Variants in ADAMTS19 observed in about 807,000 individuals in gnomAD.
ADAMTS19 encodes the protein ADAM metallopeptidase with thrombospondin type 1 motif 19.
A neutral mutation model predicts 153.3 loss-of-function variants in ADAMTS19; 93 were observed. That is an observed-to-expected ratio of 0.61 (90% confidence interval 0.51 to 0.72). The LOEUF is 0.72. Ranked by LOEUF, ADAMTS19 falls within the 30% of genes least tolerant of loss-of-function variation. The pLI is 0.00. For missense variants in ADAMTS19, 1,482 were observed against 1,552.1 expected, an observed-to-expected ratio of 0.95 and a Z score of 0.76; for synonymous variants, 600 against 556.6, an observed-to-expected ratio of 1.08 and a Z score of -1.10.
chr5:129,548,051 A>G (rs1168999959), intron 6 of ADAMTS19, among the ~76,000 whole-genome samples: 2 of 148,676 alleles, frequency 1.3e-5, no homozygotes, highest in Non-Finnish European at 3.0e-5. Flanking sequence ...CTTAAACGTT[A>G]GAACTAAAAC....
At chr5:129,519,248 G>A (rs1430372217) in intron 3 of ADAMTS19, among the ~76,000 whole-genome samples, 1 of 152,066 alleles carries the variant, frequency 6.6e-6, no homozygotes, top group Non-Finnish European at 1.5e-5. Context: ...TTCTGGCCCA[G>A]GGGATGTCTG....
chr5:129,609,633 A>G (rs1283597175), intron 8 of ADAMTS19, among the ~76,000 whole-genome samples: 1 of 152,178 alleles, frequency 6.6e-6, no homozygotes, highest in Non-Finnish European at 1.5e-5. Context: ...ACGTAGAATA[A>G]TAAGCAATTT....
intron 7 of ADAMTS19, among the ~76,000 whole-genome samples, chr5:129,587,658 T>G (rs981515472): frequency 6.6e-6 from 1 of 152,194 alleles, no homozygotes; most frequent in Non-Finnish European, 1.5e-5. Context: ...TACCATTCCA[T>G]GCCAATTTTA....
In ADAMTS19 at chr5:129,537,628, G is replaced by A. The variant is rs1581056202; in HGVS notation, c.1328+8951G>A. On this transcript the variant is annotated intron_variant, in intron 6 of 22. Coordinates refer to ENST00000274487, the MANE Select transcript of ADAMTS19 (RefSeq NM_133638.6). ...ATGTTGAGTTCATGTCCTTTGTAGG[G>A]ACATGGATGAAGCTGGAAACCATCA... 2.6e-5 allele frequency among the ~76,000 whole-genome samples: 4 copies of A among 152,222 alleles called. No homozygotes were observed. The South Asian group carries it at 8.3e-4, about 32-fold the overall frequency.
At chr5:129,664,098 GA>G (rs33935968) in intron 15 of ADAMTS19, among the ~76,000 whole-genome samples, 24,795 of 149,496 alleles carry the variant, frequency 0.17, 2,266 homozygotes, top group East Asian at 0.3. Flanking sequence ...TTTTAACAAG[GA>G]AAAAAAAAAT....
intron 3 of ADAMTS19, among the ~76,000 whole-genome samples, chr5:129,525,176 AT>A (rs1751964896): frequency 6.6e-6 from 1 of 152,136 alleles, no homozygotes; most frequent in African/African-American, 2.4e-5. Flanking sequence ...GTTTTAGATC[AT>A]TGATTAATAG....
At chr5:129,639,765 A>T (rs1036213577) in intron 10 of ADAMTS19, among the ~76,000 whole-genome samples, 3 of 152,200 alleles carry the variant, frequency 2.0e-5, no homozygotes, top group African/African-American at 7.2e-5. Flanking sequence ...GTAAAGAAAA[A>T]TTCTTCTTTG....
At chr5:129,597,922 G>GA (rs1347020047) in intron 8 of ADAMTS19, among the ~76,000 whole-genome samples, 1 of 149,744 alleles carries the variant, frequency 6.7e-6, no homozygotes, top group African/African-American at 2.5e-5. Context: ...AAGAAAAAAA[G>GA]AAAAAAAAGA....
intron 8 of ADAMTS19, among the ~76,000 whole-genome samples, chr5:129,601,893 A>C (rs1171065381): frequency 6.6e-6 from 1 of 152,156 alleles, no homozygotes; most frequent in Non-Finnish European, 1.5e-5. Context: ...CCCAACCATA[A>C]ATCACATTGT....
At chr5:129,471,377 A>G (rs1229037907) in intron 2 of ADAMTS19, among the ~76,000 whole-genome samples, 1 of 151,224 alleles carries the variant, frequency 6.6e-6, no homozygotes, top group Non-Finnish European at 1.5e-5. Context: ...AAAGAATGAA[A>G]GAAAGACAGA....
intron 7 of ADAMTS19, among the ~76,000 whole-genome samples, chr5:129,579,248 A>G (rs1230202601): frequency 6.6e-6 from 1 of 152,100 alleles, no homozygotes; most frequent in African/African-American, 2.4e-5. Flanking sequence ...TTCTTTTGAG[A>G]AGTGTCTGTT....
rs943903077 is a variant in ADAMTS19 at position 129,471,174 on chromosome 5, GA to G, written c.747+9418del. ...TAAAAATAAGGCTTCCAGACTGAAT[GA>G]CAAACCTAAAATATGAAGTTAAAAA... On this transcript the variant is annotated intron_variant, in intron 2 of 22. Transcript: ENST00000274487. Among the ~76,000 whole-genome samples, 227 of 152,050 alleles carry G rather than the reference GA, an allele frequency of 1.5e-3. 2 individuals carry two copies. The highest frequency in any genetic ancestry group is 5.0e-3 in the African/African-American group (209 of 41,472).
In ADAMTS19 at chr5:129,509,089, C is replaced by T; in HGVS notation, c.760C>T (p.Gln254Ter). 6.2e-7 allele frequency: 1 copy of T among 1,606,118 alleles called. No individual in the cohort carries two copies. Among genetic ancestry groups the T allele is most frequent in the Non-Finnish European group, 8.5e-7 (1 of 1,176,250 alleles). The change falls in exon 3 of 23, where the codon CAG (glutamine) becomes TAG (stop). Residue 254 changes from glutamine to a stop codon, truncating the protein, a stop_gained. Coordinates refer to ENST00000274487, the MANE Select transcript of ADAMTS19 (RefSeq NM_133638.6). LOFTEE classifies it high-confidence loss of function. ...TTATATATTCCAGATGGGATTTATA[C>T]AGCTCAATGAGGACTTCATATTTAT... The part of the protein sequence containing the change: ...TCGGGLMGFI[Q>*]LNEDFIFIEP...
chr5:129,587,761 C>G (rs1371035569), intron 7 of ADAMTS19, among the ~76,000 whole-genome samples: 1 of 152,128 alleles, frequency 6.6e-6, no homozygotes, highest in African/African-American at 2.4e-5. Context: ...AAATCTCCAG[C>G]CTTTTATGAA....
chr5:129,599,971 T>G (rs1221838442), intron 8 of ADAMTS19, among the ~76,000 whole-genome samples: 1 of 152,054 alleles, frequency 6.6e-6, no homozygotes. Flanking sequence ...TGCTAGACAG[T>G]GAGAGACAAT....
chr5:129,516,019 C>CT (rs1053984693), intron 3 of ADAMTS19, among the ~76,000 whole-genome samples: 1 of 151,814 alleles, frequency 6.6e-6, no homozygotes, highest in African/African-American at 2.4e-5. Context: ...TTATGAAATG[C>CT]TTTTTCAGCA....
At chr5:129,719,439 A>G (rs1457647512) in intron 21 of ADAMTS19, among the ~76,000 whole-genome samples, 1 of 152,226 alleles carries the variant, frequency 6.6e-6, no homozygotes, top group Non-Finnish European at 1.5e-5. Flanking sequence ...CAGTACTTAT[A>G]TGACTTTTCT....
At chr5:129,481,975 G>GCTC (rs1309573512) in intron 2 of ADAMTS19, among the ~76,000 whole-genome samples, 1 of 152,100 alleles carries the variant, frequency 6.6e-6, no homozygotes, top group Non-Finnish European at 1.5e-5. Context: ...TCCTTTCTGA[G>GCTC]CTCCTTCCCT....
intron 3 of ADAMTS19, among the ~76,000 whole-genome samples, chr5:129,521,779 T>C (rs1343315276): frequency 2.0e-5 from 3 of 152,142 alleles, no homozygotes; most frequent in Admixed American, 6.6e-5. Flanking sequence ...TTACACTCAG[T>C]TGAACAGTAG....
Sources: allele counts gnomAD v4.1 joint callset (sites outside exome capture counted in the v4.1 genomes callset), GRCh38; gene constraint gnomAD v4.1.1; transcripts MANE v1.5; gene names NCBI Gene and HGNC (gene_info 2026-07-23, HGNC 2026-07-21).